Variants in FCHSD2 observed in about 807,000 individuals in gnomAD.
FCHSD2 encodes the protein F-BAR and double SH3 domains protein 2.
Under a neutral mutation model 108.1 loss-of-function variants are expected in FCHSD2, and 38 were observed. The observed-to-expected ratio is 0.35, with a 90% CI of 0.27 to 0.46. FCHSD2 has a LOEUF of 0.46. Among genes scored for constraint, FCHSD2 ranks in the 20% least tolerant of loss-of-function variants. FCHSD2 has a pLI of 1.00. For missense variants in FCHSD2, 751 were observed against 897.8 expected, an observed-to-expected ratio of 0.84 and a Z score of 2.09; for synonymous variants, 279 against 314.7, an observed-to-expected ratio of 0.89 and a Z score of 1.20.
chr11:73,123,959 G>A (rs1291893343), intron 2 of FCHSD2, among the ~76,000 whole-genome samples: 1 of 152,176 alleles, frequency 6.6e-6, no homozygotes, highest in Non-Finnish European at 1.5e-5. Context: ...CCTTAATATT[G>A]TATAAGGTGT....
At chr11:73,014,238 C>T (rs570220088) in intron 4 of FCHSD2, among the ~76,000 whole-genome samples, 2 of 146,762 alleles carry the variant, frequency 1.4e-5, no homozygotes, top group South Asian at 4.4e-4. Context: ...CTCAAGCGAT[C>T]GTCCTGCCTT....
intron 14 of FCHSD2, among the ~76,000 whole-genome samples, chr11:72,847,715 C>T: frequency 8.2e-6 from 1 of 121,638 alleles, no homozygotes; most frequent in South Asian, 2.7e-4. Context: ...TTTTTTGAGA[C>T]AGAGTCTCGC....
intron 2 of FCHSD2, among the ~76,000 whole-genome samples, chr11:73,113,210 TTC>T (rs374368422): frequency 1.6e-4 from 25 of 152,230 alleles, no homozygotes; most frequent in African/African-American, 5.1e-4. Flanking sequence ...TCTGAAGTCC[TTC>T]TCTGTGTTAT....
intron 2 of FCHSD2, among the ~76,000 whole-genome samples, chr11:73,117,224 T>C (rs958035441): frequency 2.0e-5 from 3 of 152,216 alleles, no homozygotes; most frequent in Admixed American, 2.0e-4. Flanking sequence ...ATTCTATTAT[T>C]ATCTTCATTT....
At chr11:72,838,961 A>G in intron 19 of FCHSD2, 87 bp from the exon 20 acceptor site, 1 of 1,225,516 alleles carries the variant, frequency 8.2e-7, no homozygotes, top group Non-Finnish European at 1.2e-6. Flanking sequence ...TCATCTGTCC[A>G]AGGACATGGG....
chr11:73,120,265 T>C (rs1217149387), intron 2 of FCHSD2, among the ~76,000 whole-genome samples: 1 of 152,244 alleles, frequency 6.6e-6, no homozygotes, highest in Non-Finnish European at 1.5e-5. Context: ...TATTGAACTA[T>C]GGAAGATTAC....
chr11:72,964,939 G>A lies in FCHSD2; in HGVS notation c.705+19149C>T, dbSNP rs796648528. 2.0e-4 allele frequency among the ~76,000 whole-genome samples: 31 copies of A among 152,016 alleles called. 1 individual carries two copies. Among genetic ancestry groups the A allele is most frequent in the Middle Eastern group, 6.8e-3 (2 of 294 alleles). ...CGAGTAGCGGGGACTACAGGCGCCC[G>A]CCACCACACCCGGCTAATTTTTTGT... On this transcript the variant is annotated intron_variant, in intron 8 of 19. Coordinates refer to ENST00000409418, the MANE Select transcript of FCHSD2 (RefSeq NM_014824.3).
At chr11:72,847,245 G>A (rs1861170912) in intron 14 of FCHSD2, among the ~76,000 whole-genome samples, 2 of 152,150 alleles carry the variant, frequency 1.3e-5, no homozygotes, top group African/African-American at 4.8e-5. Flanking sequence ...TGATCTTCTC[G>A]CTTTGGCCCC....
intron 2 of FCHSD2, among the ~76,000 whole-genome samples, chr11:73,135,789 A>G (rs942137727): frequency 1.1e-4 from 17 of 152,212 alleles, no homozygotes; most frequent in Non-Finnish European, 2.5e-4. Flanking sequence ...ATGAACTGAA[A>G]AAGGGGAGGA....
intron 8 of FCHSD2, among the ~76,000 whole-genome samples, chr11:72,982,148 G>C (rs1430202677): frequency 6.6e-6 from 1 of 152,174 alleles, no homozygotes; most frequent in African/African-American, 2.4e-5. Context: ...GGGGATTTCA[G>C]GCAGTGAACA....
At chr11:72,900,766 G>A (rs1444003624) in intron 10 of FCHSD2, among the ~76,000 whole-genome samples, 2 of 151,970 alleles carry the variant, frequency 1.3e-5, no homozygotes, top group Non-Finnish European at 2.9e-5. Flanking sequence ...TGCTAACAGA[G>A]CTACTTAAAG....
chr11:73,106,987 G>A (rs774702885), intron 2 of FCHSD2, among the ~76,000 whole-genome samples: 4 of 151,930 alleles, frequency 2.6e-5, no homozygotes, highest in Non-Finnish European at 5.9e-5. Context: ...TCCTGGACTC[G>A]ACTTTTTAAA....
chr11:73,138,541 T>C (rs528927999), intron 2 of FCHSD2, among the ~76,000 whole-genome samples: 13 of 152,096 alleles, frequency 8.5e-5, no homozygotes, highest in Non-Finnish European at 1.6e-4. Flanking sequence ...TTAGTTTGCT[T>C]AATAAGTTAA....
intron 3 of FCHSD2, among the ~76,000 whole-genome samples, chr11:73,048,261 C>T (rs1206409973): frequency 1.3e-5 from 2 of 152,168 alleles, no homozygotes; most frequent in Admixed American, 1.3e-4. Context: ...CATCCCTCAG[C>T]TCATGCCATG....
chr11:72,896,255 T>C (rs2135262217), intron 10 of FCHSD2, among the ~76,000 whole-genome samples: 2 of 152,320 alleles, frequency 1.3e-5, no homozygotes, highest in Middle Eastern at 3.4e-3. Flanking sequence ...TATTTGCTGT[T>C]CAAAGAAGGT....
intron 2 of FCHSD2, among the ~76,000 whole-genome samples, chr11:73,108,353 G>T (rs986672722): frequency 5.9e-5 from 9 of 152,296 alleles, no homozygotes; most frequent in African/African-American, 2.2e-4. Flanking sequence ...CATTCTGTGG[G>T]TTATCTCTTC....
chr11:73,133,624 C>T (rs187481930), intron 2 of FCHSD2, among the ~76,000 whole-genome samples: 119 of 151,954 alleles, frequency 7.8e-4, no homozygotes, highest in Non-Finnish European at 1.4e-3. Context: ...GGCAAAACCC[C>T]ATCTCTACTA....
At chr11:72,892,330 T>C (rs1027264828) in intron 10 of FCHSD2, among the ~76,000 whole-genome samples, 2 of 152,206 alleles carry the variant, frequency 1.3e-5, no homozygotes, top group Non-Finnish European at 2.9e-5. Flanking sequence ...TGCCACTGAT[T>C]GGAAGATGTG....
chr11:73,114,965 G>A (rs971020853), intron 2 of FCHSD2, among the ~76,000 whole-genome samples: 4 of 152,156 alleles, frequency 2.6e-5, no homozygotes, highest in Non-Finnish European at 4.4e-5. Flanking sequence ...CATGTTCACT[G>A]GCTCTGAGCC....
Sources: gnomAD v4.1 joint callset for allele counts (sites outside exome capture counted in the v4.1 genomes callset) on GRCh38, gnomAD v4.1.1 for gene constraint, MANE v1.5 for transcripts, NCBI Gene and HGNC (gene_info 2026-07-23, HGNC 2026-07-21) for gene names.